FGGY: variants seen among roughly 807,000 people sequenced by gnomAD.
The protein encoded by FGGY is FGGY carbohydrate kinase domain containing.
Under a neutral mutation model 71.3 loss-of-function variants are expected in FGGY, and 72 were observed. That is an observed-to-expected ratio of 1.01 (90% CI 0.84 to 1.23). The LOEUF (loss-of-function observed/expected upper bound fraction) is 1.23. Ranked by LOEUF, FGGY falls within the 50% of genes most tolerant of loss-of-function variation. The pLI is 0.00. For synonymous variants in FGGY, 251 were observed against 250.3 expected, an observed-to-expected ratio of 1.00 and a Z score of -0.02; for missense variants, 668 against 682.3, an observed-to-expected ratio of 0.98 and a Z score of 0.23.
chr1:59,664,584 A>C (rs1482704033), intron 12 of FGGY, among the ~76,000 whole-genome samples: 1 of 152,268 alleles, frequency 6.6e-6, no homozygotes, highest in Non-Finnish European at 1.5e-5. Flanking sequence ...ATTAGGAGAC[A>C]GCAATTCTCC....
chr1:59,365,235 C>T (rs2056374845), intron 4 of FGGY, among the ~76,000 whole-genome samples: 1 of 152,098 alleles, frequency 6.6e-6, no homozygotes, highest in Non-Finnish European at 1.5e-5. Context: ...GGTAAGATCC[C>T]TGGGGAGCAG....
At chr1:59,314,606 G>A (rs2045058824) in intron 1 of FGGY, among the ~76,000 whole-genome samples, 1 of 152,162 alleles carries the variant, frequency 6.6e-6, no homozygotes, top group Admixed American at 6.5e-5. Flanking sequence ...GACACAGATG[G>A]GACAAGCATC....
chr1:59,691,984 A>T (rs1311605646), intron 14 of FGGY, among the ~76,000 whole-genome samples: 1 of 152,162 alleles, frequency 6.6e-6, no homozygotes, highest in Non-Finnish European at 1.5e-5. Flanking sequence ...GCTGCTTGGT[A>T]AATATGTGTT....
chr1:59,343,696 C>G (rs1465745794), intron 3 of FGGY, among the ~76,000 whole-genome samples: 1 of 152,194 alleles, frequency 6.6e-6, no homozygotes, highest in East Asian at 1.9e-4. Context: ...TTTCAGTTTT[C>G]CATAAGAGCT....
chr1:59,508,007 ATGCCCCTCAGGG>A (rs2094436587), intron 6 of FGGY, among the ~76,000 whole-genome samples: 1 of 152,004 alleles, frequency 6.6e-6, no homozygotes. Flanking sequence ...CAAACACACC[ATGCCCCTCAGGG>A]CTCCCTACAG....
chr1:59,477,481 T>C (rs74084880), intron 6 of FGGY, among the ~76,000 whole-genome samples: 2,210 of 152,246 alleles, frequency 0.015, 56 homozygotes, highest in African/African-American at 0.051. Context: ...ATCCCAGAAG[T>C]TTGCCTGCTG....
At chr1:59,501,711 C>A (rs571171924) in intron 6 of FGGY, among the ~76,000 whole-genome samples, 1 of 152,346 alleles carries the variant, frequency 6.6e-6, no homozygotes, top group Admixed American at 6.5e-5. Flanking sequence ...CCTCTGAAGG[C>A]ATGCCGTGGA....
chr1:59,532,005 T>G, intron 7 of FGGY, among the ~76,000 whole-genome samples: 1 of 152,116 alleles, frequency 6.6e-6, no homozygotes. Flanking sequence ...AAAATAAGCA[T>G]GTAAAATATG....
chr1:59,590,417 T>A (rs1382400640), intron 8 of FGGY, among the ~76,000 whole-genome samples: 2 of 152,124 alleles, frequency 1.3e-5, no homozygotes, highest in Non-Finnish European at 2.9e-5. Context: ...AAAAAGAGGT[T>A]ATCCTCCCTA....
At chr1:59,441,691 A>G (rs1248283997) in intron 5 of FGGY, among the ~76,000 whole-genome samples, 1 of 152,182 alleles carries the variant, frequency 6.6e-6, no homozygotes, top group Non-Finnish European at 1.5e-5. Flanking sequence ...TACTACTGTT[A>G]CCTTCTTAAC....
Position 59,697,694 on chromosome 1 carries a change from G to T in FGGY, c.1512+23561G>T, listed in dbSNP as rs773771304. On this transcript the variant is annotated intron_variant, in intron 14 of 15. Transcript: ENST00000303721. ...TTGTGGACGATAGCAGCAATGGGAA[G>T]CAGTATTTGAGAAGAAATCAGACTC... The T allele has an allele frequency of 8.4e-6, 11 of 1,303,504 alleles. No homozygotes were observed. In the South Asian group the frequency reaches 1.4e-4, roughly 16 times the overall value. The allele number at this position is 1,303,504 out of a possible 1,614,324, so 80.7% of individuals were successfully genotyped here. A position where few individuals can be genotyped will look rare whatever the true frequency, so the allele number is the denominator to read the frequency against.
At chr1:59,398,823 A>G (rs1270010524) in intron 5 of FGGY, among the ~76,000 whole-genome samples, 1 of 152,216 alleles carries the variant, frequency 6.6e-6, no homozygotes, top group Non-Finnish European at 1.5e-5. Flanking sequence ...GCAAAATAGT[A>G]ATAATAATAT....
intron 4 of FGGY, among the ~76,000 whole-genome samples, chr1:59,357,286 G>GA (rs34485718): frequency 0.26 from 39,477 of 151,710 alleles, 5,312 homozygotes; most frequent in East Asian, 0.41. Context: ...GCAGACAAAA[G>GA]AAAAAAAGTT....
At chr1:59,483,601 GT>G (rs1303109452) in intron 6 of FGGY, among the ~76,000 whole-genome samples, 4 of 152,024 alleles carry the variant, frequency 2.6e-5, no homozygotes, top group Non-Finnish European at 5.9e-5. Context: ...GCTTTTTGAG[GT>G]ATTTCTTTAT....
At chr1:59,374,865 A>T (rs1208092217) in intron 4 of FGGY, among the ~76,000 whole-genome samples, 1 of 134,558 alleles carries the variant, frequency 7.4e-6, no homozygotes, top group Non-Finnish European at 1.5e-5. Context: ...CAATGGGAAC[A>T]CATGGTCACA....
rs575206572 is a variant in FGGY at position 59,706,048 on chromosome 1, G to A, written c.1512+31915G>A. Among the ~76,000 whole-genome samples the A allele has an allele frequency of 1.2e-4, 19 of 152,328 alleles. No homozygotes were observed. In the South Asian group the frequency reaches 3.5e-3, roughly 28 times the overall value. On this transcript the variant is annotated intron_variant, in intron 14 of 15. Transcript: ENST00000303721. The stretch of plus-strand genomic sequence containing the variant: ...TCTCCACAGTGGCCGACCCCTTTAG[G>A]AGGAGGGAAGCCAGGGCTCTGGGGA...
At chr1:59,403,110 C>A (rs144322501) in intron 5 of FGGY, among the ~76,000 whole-genome samples, 4 of 152,312 alleles carry the variant, frequency 2.6e-5, no homozygotes, top group Non-Finnish European at 4.4e-5. Flanking sequence ...GGGACTGACA[C>A]ATTTTGATAG....
chr1:59,419,358 A>T (rs1298468418), intron 5 of FGGY, among the ~76,000 whole-genome samples: 3 of 152,174 alleles, frequency 2.0e-5, no homozygotes, highest in Admixed American at 2.0e-4. Flanking sequence ...TATCTTGCTA[A>T]TTGCATCAGT....
chr1:59,615,077 A>G (rs2096736402), intron 9 of FGGY, among the ~76,000 whole-genome samples: 1 of 152,216 alleles, frequency 6.6e-6, no homozygotes, highest in South Asian at 2.1e-4. Flanking sequence ...ACACTGCCCA[A>G]GGTAATTTAT....
Sources: allele counts gnomAD v4.1 joint callset (sites outside exome capture counted in the v4.1 genomes callset), GRCh38; gene constraint gnomAD v4.1.1; transcripts MANE v1.5; gene names NCBI Gene and HGNC (gene_info 2026-07-23, HGNC 2026-07-21).